SLC9D1: variants seen among roughly 807,000 people sequenced by gnomAD.
The protein encoded by SLC9D1 is putative LAG1-interacting protein.
At chr13:113,523,291 AT>A in the SLC9D1 span, among the ~76,000 whole-genome samples, 1 of 152,036 alleles carries the variant, frequency 6.6e-6, no homozygotes, top group Non-Finnish European at 1.5e-5. Flanking sequence ...GGGTCATGAG[AT>A]TTCCTTTTGG....
At chr13:113,491,676 A>C in the SLC9D1 span, among the ~76,000 whole-genome samples, 2 of 152,096 alleles carry the variant, frequency 1.3e-5, no homozygotes, top group African/African-American at 4.8e-5. Context: ...CCCACGTTCT[A>C]ACCTGGAATG....
At chr13:113,503,345 TTGTGTGTGTGTGTGTGTG>T in the SLC9D1 span, 5 of 476,300 alleles carry the variant, frequency 1.0e-5, no homozygotes, top group South Asian at 6.1e-5. Context: ...CACTGTGTGA[TTGTGTGTGTGTGTGTGTG>T]TGTGTGTGTG....
chr13:113,537,771 G>T, the SLC9D1 span, among the ~76,000 whole-genome samples: 1 of 152,220 alleles, frequency 6.6e-6, no homozygotes, highest in Non-Finnish European at 1.5e-5. Flanking sequence ...CTTCGGTTGT[G>T]TTGGAAGTGA....
the SLC9D1 span, among the ~76,000 whole-genome samples, chr13:113,509,784 C>T: frequency 0.11 from 16,716 of 152,116 alleles, 1,278 homozygotes; most frequent in Admixed American, 0.24. Flanking sequence ...TCCACCTTCC[C>T]GTCTGGTTTA....
the SLC9D1 span, chr13:113,524,266 C>T: frequency 2.3e-6 from 1 of 428,912 alleles, no homozygotes; most frequent in Non-Finnish European, 4.6e-6. Context: ...TATTTTGGGG[C>T]TCTTTTGTTT....
the SLC9D1 span, among the ~76,000 whole-genome samples, chr13:113,545,307 C>CGGTT: frequency 5.3e-5 from 8 of 151,960 alleles, no homozygotes; most frequent in African/African-American, 1.9e-4. Context: ...GCTGGGTCCA[C>CGGTT]AGTGAATGTG....
At chr13:113,509,225 C>T in the SLC9D1 span, among the ~76,000 whole-genome samples, 239 of 136,458 alleles carry the variant, frequency 1.8e-3, 5 homozygotes, top group Admixed American at 3.6e-3. Context: ...GACTGGCGGG[C>T]TTGGTGGGTG....
chr13:113,549,526 G>A, the SLC9D1 span: 1 of 1,614,148 alleles, frequency 6.2e-7, no homozygotes, highest in Non-Finnish European at 8.5e-7. Flanking sequence ...CGGAGAGACG[G>A]TCCAGCCTCT....
At chr13:113,515,611 G>C in the SLC9D1 span, among the ~76,000 whole-genome samples, 3,849 of 152,210 alleles carry the variant, frequency 0.025, 100 homozygotes, top group East Asian at 0.12. Context: ...AAGGTAAGTG[G>C]CTGGGCACGG....
At chr13:113,543,739 C>A in the SLC9D1 span, among the ~76,000 whole-genome samples, 1 of 150,602 alleles carries the variant, frequency 6.6e-6, no homozygotes, top group African/African-American at 2.4e-5. Flanking sequence ...GTTGAGTGTG[C>A]ATGTCTGAGA....
chr13:113,539,365 G>A, the SLC9D1 span: 1 of 1,612,552 alleles, frequency 6.2e-7, no homozygotes, highest in South Asian at 1.1e-5. The surrounding 1 kb of genome is among the most constrained non-coding windows in gnomAD (Gnocchi z 4.8). Flanking sequence ...AGGTCACGGA[G>A]CTGCTGGACG....
chr13:113,535,234 ACT>A, the SLC9D1 span: 2 of 152,260 alleles, frequency 1.3e-5, no homozygotes. This position sits in a 1 kb window ranked among gnomAD's most constrained non-coding sequence, Gnocchi z 4.1. Flanking sequence ...AAGCTAATTA[ACT>A]GTATAAGTTC....
chr13:113,539,345 T>A, the SLC9D1 span: 1 of 1,610,716 alleles, frequency 6.2e-7, no homozygotes. The surrounding 1 kb of genome is among the most constrained non-coding windows in gnomAD (Gnocchi z 4.8). Flanking sequence ...AGCTGCGTCC[T>A]GCCTCTCTCA....
the SLC9D1 span, among the ~76,000 whole-genome samples, chr13:113,503,283 A>G: frequency 6.6e-6 from 1 of 152,118 alleles, no homozygotes; most frequent in African/African-American, 2.4e-5. Context: ...ATAGACCAAG[A>G]TAAAAATCAA....
At chr13:113,493,151 A>G in the SLC9D1 span, among the ~76,000 whole-genome samples, 1 of 152,246 alleles carries the variant, frequency 6.6e-6, no homozygotes, top group Non-Finnish European at 1.5e-5. Context: ...GTATAACTAC[A>G]ACTAAAATCC....
At chr13:113,506,961 C>T in the SLC9D1 span, among the ~76,000 whole-genome samples, 2 of 106,672 alleles carry the variant, frequency 1.9e-5, no homozygotes, top group South Asian at 2.9e-4. Flanking sequence ...AAGAGGCTGG[C>T]GTTCTCTGTT....
the SLC9D1 span, chr13:113,529,990 CAGGT>C: frequency 6.6e-6 from 1 of 152,216 alleles, no homozygotes; most frequent in Non-Finnish European, 1.5e-5. Context: ...AATTAGATAA[CAGGT>C]AGATATACAA....
chr13:113,531,739 G>A, the SLC9D1 span, among the ~76,000 whole-genome samples: 3 of 152,192 alleles, frequency 2.0e-5, no homozygotes, highest in Non-Finnish European at 4.4e-5. Flanking sequence ...GTGGCACGGC[G>A]GCAAGCCGGA....
At chr13:113,498,478 T>C in the SLC9D1 span, 2 of 1,593,732 alleles carry the variant, frequency 1.3e-6, no homozygotes, top group Admixed American at 3.7e-5. Flanking sequence ...GCGGATCGTC[T>C]GGAGGAAGAG....
Sources: allele counts gnomAD v4.1 joint callset (sites outside exome capture counted in the v4.1 genomes callset), GRCh38; gene constraint gnomAD v4.1.1; non-coding constraint Gnocchi (gnomAD v3.1); transcripts MANE v1.5; gene names NCBI Gene and HGNC (gene_info 2026-07-23, HGNC 2026-07-21).